GALNT13: variants seen among roughly 807,000 people sequenced by gnomAD.
The protein encoded by GALNT13 is polypeptide N-acetylgalactosaminyltransferase 13, also known as UDP-GalNAc:polypeptide N-acetylgalactosaminyltransferase 13.
A neutral mutation model predicts 64.2 loss-of-function variants in GALNT13; 28 were observed. The observed-to-expected ratio is 0.44, with a 90% CI of 0.32 to 0.60. The LOEUF is 0.60. Among genes scored for constraint, GALNT13 ranks in the 20% least tolerant of loss-of-function variants. The pLI is 0.05. For synonymous variants in GALNT13, 214 were observed against 224.6 expected (o/e 0.95, Z 0.42); for missense variants, 577 against 669.8 (o/e 0.86, Z 1.53).
intron 3 of GALNT13, among the ~76,000 whole-genome samples, chr2:154,101,691 A>G (rs1477510982): frequency 6.6e-6 from 1 of 151,804 alleles, no homozygotes; most frequent in African/African-American, 2.4e-5. Flanking sequence ...GTCTTTTCTT[A>G]GCTTGGTTTT....
At position 154,452,249 on chromosome 2, in the gene GALNT13, T is replaced by C. The variant is rs1411559380; in HGVS notation, c.*1698T>C. The C allele has an allele frequency of 6.6e-6, 1 of 152,070 alleles. No individual in the cohort carries two copies. Among genetic ancestry groups the C allele is most frequent in the East Asian group, 1.9e-4 (1 of 5,184 alleles). 9.4% of individuals were successfully genotyped at this position (152,070 alleles called of 1,614,324 possible). A position where few individuals can be genotyped will look rare whatever the true frequency, so the allele number is the denominator to read the frequency against. ...ATGTTGAATATCAGGGCATTTTTTT[T>C]TCTGAGGTGGGAGTATGTCACTCAC... On this transcript the variant is annotated 3_prime_UTR_variant, in exon 13 of 13. Coordinates refer to ENST00000392825, the MANE Select transcript of GALNT13 (RefSeq NM_052917.4).
the GALNT13 span, among the ~76,000 whole-genome samples, chr2:153,083,857 T>C: frequency 6.6e-6 from 1 of 152,352 alleles, no homozygotes; most frequent in Middle Eastern, 3.4e-3. Flanking sequence ...CTCTAGAATT[T>C]TTATGTTTTC....
At chr2:153,552,575 CTTTTTTTTTTTTTTTTTTTTT>C in the GALNT13 span, among the ~76,000 whole-genome samples, 3 of 69,326 alleles carry the variant, frequency 4.3e-5, 1 homozygote, top group Middle Eastern at 0.039. Context: ...GCTTCTTCTT[CTTTTTTTTTTTTTTTTTTTTT>C]TTTTGGCAGC....
the GALNT13 span, among the ~76,000 whole-genome samples, chr2:153,613,869 G>C: frequency 6.6e-6 from 1 of 152,000 alleles, no homozygotes; most frequent in African/African-American, 2.4e-5. Flanking sequence ...GTCGTGGGGT[G>C]GGGGAGCAGG....
the GALNT13 span, among the ~76,000 whole-genome samples, chr2:153,086,145 A>G: frequency 6.6e-6 from 1 of 152,146 alleles, no homozygotes; most frequent in African/African-American, 2.4e-5. Context: ...CCTGTACTCT[A>G]TTGTATCTGG....
intron 9 of GALNT13, among the ~76,000 whole-genome samples, chr2:154,335,363 C>A (rs1281110624): frequency 6.6e-6 from 1 of 152,008 alleles, no homozygotes; most frequent in African/African-American, 2.4e-5. Flanking sequence ...CTCCTTAGCC[C>A]TATCCAAGTA....
At chr2:154,095,670 C>G (rs1702039383) in intron 3 of GALNT13, among the ~76,000 whole-genome samples, 1 of 151,884 alleles carries the variant, frequency 6.6e-6, no homozygotes, top group African/African-American at 2.4e-5. Flanking sequence ...TTTATTCAGT[C>G]TTTACTTCCA....
chr2:153,315,850 T>C, the GALNT13 span, among the ~76,000 whole-genome samples: 1 of 152,176 alleles, frequency 6.6e-6, no homozygotes, highest in Admixed American at 6.5e-5. Flanking sequence ...CTTATTCATA[T>C]TAAAACAAAT....
At chr2:154,258,775 G>A (rs1690526245) in intron 7 of GALNT13, among the ~76,000 whole-genome samples, 2 of 151,022 alleles carry the variant, frequency 1.3e-5, no homozygotes, top group South Asian at 4.2e-4. Context: ...TCCATGGCCA[G>A]TGTCACTTTC....
the GALNT13 span, among the ~76,000 whole-genome samples, chr2:153,526,605 GACTAA>G: frequency 6.6e-6 from 1 of 152,086 alleles, no homozygotes; most frequent in Non-Finnish European, 1.5e-5. Context: ...AGACTGTGAA[GACTAA>G]AATAAACACC....
At chr2:153,910,762 C>T (rs1196335173) in intron 2 of GALNT13, among the ~76,000 whole-genome samples, 1 of 151,838 alleles carries the variant, frequency 6.6e-6, no homozygotes, top group Admixed American at 6.6e-5. Flanking sequence ...CTTGAATTCT[C>T]TTTTTTTGTG....
chr2:153,931,768 C>G (rs1277229463), intron 2 of GALNT13, among the ~76,000 whole-genome samples: 1 of 151,978 alleles, frequency 6.6e-6, no homozygotes, highest in Non-Finnish European at 1.5e-5. Context: ...TTGCTTTTAC[C>G]TCTATGAGGA....
chr2:153,963,195 A>C (rs952510044), intron 3 of GALNT13, among the ~76,000 whole-genome samples: 4 of 152,162 alleles, frequency 2.6e-5, no homozygotes, highest in African/African-American at 9.7e-5. Context: ...TAGTGGCATT[A>C]ATTCTATTAA....
chr2:154,397,345 A>G (rs1188080981), intron 10 of GALNT13, among the ~76,000 whole-genome samples: 1 of 152,152 alleles, frequency 6.6e-6, no homozygotes, highest in Non-Finnish European at 1.5e-5. Context: ...AGGCTGAGGC[A>G]GGAGAATGGT....
the GALNT13 span, among the ~76,000 whole-genome samples, chr2:153,596,890 A>C: frequency 1.3e-5 from 2 of 152,130 alleles, no homozygotes; most frequent in Admixed American, 1.3e-4. Flanking sequence ...AGTAATTAAA[A>C]TATGCTTTTG....
At chr2:154,001,084 A>G (rs1349029570) in intron 3 of GALNT13, among the ~76,000 whole-genome samples, 1 of 151,896 alleles carries the variant, frequency 6.6e-6, no homozygotes, top group African/African-American at 2.4e-5. Flanking sequence ...CTTAAATTTT[A>G]TCTGAAACAC....
chr2:154,287,354 C>T (rs1298642417), intron 8 of GALNT13: 1 of 567,612 alleles, frequency 1.8e-6, no homozygotes, highest in Non-Finnish European at 3.3e-6. Context: ...CATTGCATTC[C>T]AGCTCTCATA....
the GALNT13 span, among the ~76,000 whole-genome samples, chr2:153,640,811 C>A: frequency 1.3e-5 from 2 of 152,062 alleles, no homozygotes; most frequent in African/African-American, 2.4e-5. Flanking sequence ...AAGTGGTCTG[C>A]TGCAGCGGAG....
chr2:153,099,068 G>T, the GALNT13 span, among the ~76,000 whole-genome samples: 10 of 152,106 alleles, frequency 6.6e-5, no homozygotes, highest in African/African-American at 2.4e-4. Context: ...AACTGAGATT[G>T]CGCCACTGCA....
Sources: gnomAD v4.1 joint callset for allele counts (sites outside exome capture counted in the v4.1 genomes callset) on GRCh38, gnomAD v4.1.1 for gene constraint, MANE v1.5 for transcripts, NCBI Gene and HGNC (gene_info 2026-07-23, HGNC 2026-07-21) for gene names.